The following KIF21A variants were observed in gnomAD, a reference collection of about 807,000 sequenced individuals.
The protein encoded by KIF21A is kinesin family member 21A.
KIF21A carries 114 observed loss-of-function variants against 202.9 expected under a neutral mutation model. The ratio of observed to expected loss-of-function variants is 0.56; its 90% CI spans 0.48 to 0.66. The LOEUF (loss-of-function observed/expected upper bound fraction) is 0.66. Ranked by LOEUF, KIF21A falls within the 30% of genes least tolerant of loss-of-function variation. The pLI, the probability that KIF21A is intolerant of heterozygous loss-of-function variation, is 0.00. For synonymous variants in KIF21A, 667 were observed against 670.8 expected (o/e 0.99, Z 0.09); for missense variants, 1,677 against 1,994.9 (o/e 0.84, Z 3.04).
At chr12:39,300,039 A>C (rs1942819647) in intron 37 of KIF21A, among the ~76,000 whole-genome samples, 1 of 152,134 alleles carries the variant, frequency 6.6e-6, no homozygotes. Context: ...TAATCTGAAC[A>C]ACAAACACTG....
chr12:39,309,819 G>T, intron 32 of KIF21A, 53 bp from the exon 33 acceptor site: 2 of 1,410,378 alleles, frequency 1.4e-6, no homozygotes, highest in East Asian at 2.3e-5. Flanking sequence ...ACTACTTTAG[G>T]TTCTCTTAAC....
At chr12:39,376,017 T>A (rs2175675) in intron 1 of KIF21A, among the ~76,000 whole-genome samples, 19,579 of 152,024 alleles carry the variant, frequency 0.13, 1,354 homozygotes, top group African/African-American at 0.17. Flanking sequence ...CACCCTAACA[T>A]CTCAGCTTGG....
At chr12:39,392,314 C>G (rs1324011504) in intron 1 of KIF21A, among the ~76,000 whole-genome samples, 2 of 152,112 alleles carry the variant, frequency 1.3e-5, no homozygotes, top group African/African-American at 2.4e-5. Flanking sequence ...AAATATATGT[C>G]TGGCTCTTCA....
At chr12:39,423,565 G>A (rs2140255571) in intron 1 of KIF21A, among the ~76,000 whole-genome samples, 1 of 151,110 alleles carries the variant, frequency 6.6e-6, no homozygotes, top group East Asian at 1.9e-4. Flanking sequence ...AAAAAAAAAT[G>A]CAGGCTGGGC....
At chr12:39,346,651 T>C (rs1947919223) in intron 11 of KIF21A, 147 bp from the exon 12 acceptor site, 1 of 463,628 alleles carries the variant, frequency 2.2e-6, no homozygotes, top group Non-Finnish European at 3.6e-6. Context: ...CAAAGGACAA[T>C]ACACAGTAAA....
At position 39,332,276 on chromosome 12, in the gene KIF21A, C is replaced by T. The variant is rs61733764; in HGVS notation, c.2989G>A (p.Asp997Asn). Reference protein sequence around the residue: ...EEMESLTANIDYINDSISDCQ... With the variant: ...EEMESLTANINYINDSISDCQ... ...TCAGAAATACTGTCATTGATGTAAT[C>T]GATATTAGCAGTCAGTGACTCCATC... Residue 997 changes from aspartate (D) to asparagine (N), a missense_variant, in exon 21 of 38, where the codon GAT becomes AAT. Asp to Asn is a conservative substitution (Grantham distance 23). Coordinates refer to ENST00000361418, the MANE Select transcript of KIF21A (RefSeq NM_001173464.2). The T allele has an allele frequency of 2.5e-6, 4 of 1,613,730 alleles. No homozygotes were observed. Among genetic ancestry groups the T allele is most frequent in the African/African-American group, 1.3e-5 (1 of 75,002 alleles).
chr12:39,354,387 T>C (rs75458786), intron 10 of KIF21A, among the ~76,000 whole-genome samples: 2,116 of 152,172 alleles, frequency 0.014, 69 homozygotes, highest in African/African-American at 0.047. Flanking sequence ...ATTGGAAAAA[T>C]ATTGAAGAGA....
chr12:39,348,610 A>C (rs1004954684), intron 11 of KIF21A, among the ~76,000 whole-genome samples: 55 of 152,018 alleles, frequency 3.6e-4, no homozygotes, highest in Admixed American at 3.4e-3. Flanking sequence ...CACTCCAACC[A>C]AAAATCTACA....
chr12:39,436,449 T>TATATATATATATATATATATATA (rs1491365902), intron 1 of KIF21A, among the ~76,000 whole-genome samples: 72 of 86,802 alleles, frequency 8.3e-4, no homozygotes, highest in African/African-American at 2.3e-3. Context: ...TATATATATA[T>TATATATATATATATATATATATA]TTTTTTTTTT....
Position 39,363,199 on chromosome 12 carries a change from A to C in KIF21A, c.918T>G (p.Asn306Lys). The C allele has an allele frequency of 6.2e-7, 1 of 1,607,688 alleles. No individual in the cohort carries two copies. The highest frequency in any genetic ancestry group is 8.5e-7 in the Non-Finnish European group (1 of 1,174,544). ...TCTTGTCTCCCAAGGCACTTATTAC[A>C]TTGCCAAGTGCCAACTAAAAGAAAG... ...SINCGLLALG[N>K]VISALGDKSK... The change falls in exon 7 of 38, where the codon AAT becomes AAG. Residue 306 changes from asparagine (N) to lysine (K), a missense_variant. Around this residue, in one of 3 missense-constraint regions of KIF21A, gnomAD observed 966 missense variants for 1,180.9 expected, o/e 0.82. Coordinates refer to ENST00000361418, the MANE Select transcript of KIF21A (RefSeq NM_001173464.2).
At chr12:39,345,539 A>T (rs1431340419) in intron 12 of KIF21A, among the ~76,000 whole-genome samples, 3 of 151,808 alleles carry the variant, frequency 2.0e-5, no homozygotes, top group Non-Finnish European at 4.4e-5. Context: ...AAAGAAAAAC[A>T]TTTTAAGCTT....
chr12:39,355,456 A>C (rs1948693944), intron 10 of KIF21A, among the ~76,000 whole-genome samples: 3 of 152,082 alleles, frequency 2.0e-5, no homozygotes, highest in Non-Finnish European at 4.4e-5. Flanking sequence ...AAAAGAGAAA[A>C]GAGACGCAGC....
chr12:39,420,411 G>A (rs1298321204), intron 1 of KIF21A, among the ~76,000 whole-genome samples: 2 of 152,104 alleles, frequency 1.3e-5, no homozygotes, highest in Non-Finnish European at 2.9e-5. Flanking sequence ...ACCCAAGGGT[G>A]TAATGGCCAG....
chr12:39,410,536 T>C (rs914741701), intron 1 of KIF21A, among the ~76,000 whole-genome samples: 1 of 152,128 alleles, frequency 6.6e-6, no homozygotes, highest in Non-Finnish European at 1.5e-5. Flanking sequence ...AAAAACAAAT[T>C]AGAAGAGATA....
At chr12:39,325,715 G>T in intron 26 of KIF21A, 124 bp downstream of exon 26, 1 of 693,258 alleles carries the variant, frequency 1.4e-6, no homozygotes, top group Non-Finnish European at 2.5e-6. Context: ...AAATAAAGAA[G>T]AGCTTTAGTA....
intron 31 of KIF21A, among the ~76,000 whole-genome samples, chr12:39,314,570 C>T (rs1310698642): frequency 6.6e-6 from 1 of 151,706 alleles, no homozygotes; most frequent in Non-Finnish European, 1.5e-5. Context: ...TGTTAACAGC[C>T]TAAGAGCTAT....
chr12:39,373,322 A>T (rs1950077706), intron 1 of KIF21A, among the ~76,000 whole-genome samples: 1 of 151,156 alleles, frequency 6.6e-6, no homozygotes, highest in Admixed American at 6.6e-5. Flanking sequence ...TTTCCTAGAC[A>T]CTCTTCTCCA....
intron 24 of KIF21A, among the ~76,000 whole-genome samples, chr12:39,327,293 T>C: frequency 6.6e-6 from 1 of 152,188 alleles, no homozygotes; most frequent in Non-Finnish European, 1.5e-5. Flanking sequence ...TGTTCAGTAA[T>C]ACTTGGTATT....
At chr12:39,374,053 G>C (rs934155164) in intron 1 of KIF21A, among the ~76,000 whole-genome samples, 3 of 152,152 alleles carry the variant, frequency 2.0e-5, no homozygotes, top group Non-Finnish European at 2.9e-5. Context: ...AAAGACTAGG[G>C]ATAGGTTCAC....
Sources: gnomAD v4.1 joint callset for allele counts (sites outside exome capture counted in the v4.1 genomes callset) on GRCh38, gnomAD v4.1.1 for gene constraint, gnomAD v4.1.1 regional missense constraint, MANE v1.5 for transcripts, NCBI Gene and HGNC (gene_info 2026-07-23, HGNC 2026-07-21) for gene names.